The following CNTNAP5 variants were observed in gnomAD, a reference collection of about 807,000 sequenced individuals.
The protein encoded by CNTNAP5 is contactin associated protein family member 5, also known as contactin-associated protein-like 5.
CNTNAP5 carries 72 observed loss-of-function variants against 150.2 expected under a neutral mutation model. The ratio of observed to expected loss-of-function variants is 0.48; its 90% CI spans 0.40 to 0.58. CNTNAP5 has a LOEUF of 0.58. Among genes scored for constraint, CNTNAP5 ranks in the 20% least tolerant of loss-of-function variants. The pLI, the probability that CNTNAP5 is intolerant of heterozygous loss-of-function variation, is 0.00. For synonymous variants in CNTNAP5, 672 were observed against 619.8 expected (o/e 1.08, Z -1.25); for missense variants, 1,636 against 1,626.2 (o/e 1.01, Z -0.10).
intron 11 of CNTNAP5, among the ~76,000 whole-genome samples, chr2:124,589,055 T>C (rs1390402962): frequency 6.6e-6 from 1 of 152,112 alleles, no homozygotes; most frequent in Non-Finnish European, 1.5e-5. Context: ...AGACCATACA[T>C]TTCTCCTATT....
intron 11 of CNTNAP5, among the ~76,000 whole-genome samples, chr2:124,601,211 A>T (rs1362099845): frequency 6.6e-6 from 1 of 152,210 alleles, no homozygotes; most frequent in Middle Eastern, 3.2e-3. Flanking sequence ...TAAGGTATGA[A>T]AACATTTATA....
intron 1 of CNTNAP5, among the ~76,000 whole-genome samples, chr2:124,078,998 C>T (rs925788179): frequency 2.0e-5 from 3 of 152,142 alleles, no homozygotes; most frequent in African/African-American, 7.2e-5. Context: ...AATAATTCCT[C>T]AAAATGCATG....
At chr2:124,504,662 G>A (rs1694360095) in intron 8 of CNTNAP5, 106 bp downstream of exon 8, 12 of 1,064,494 alleles carry the variant, frequency 1.1e-5, no homozygotes, top group African/African-American at 1.6e-5. Context: ...ATATGGGTTA[G>A]CCCAGTATTC....
chr2:124,505,811 G>T (rs543049330), intron 8 of CNTNAP5, among the ~76,000 whole-genome samples: 2 of 152,134 alleles, frequency 1.3e-5, no homozygotes, highest in Non-Finnish European at 2.9e-5. Flanking sequence ...ATTGGGCAGG[G>T]ATTGGTCTGC....
At chr2:124,033,676 G>T (rs1329234914) in intron 1 of CNTNAP5, among the ~76,000 whole-genome samples, 3 of 64,322 alleles carry the variant, frequency 4.7e-5, no homozygotes, top group Non-Finnish European at 2.9e-5. Flanking sequence ...ATGCAGGCCA[G>T]ACATGGGCCT....
At chr2:124,550,112 G>T (rs1219018231) in intron 10 of CNTNAP5, among the ~76,000 whole-genome samples, 2 of 152,214 alleles carry the variant, frequency 1.3e-5, no homozygotes, top group African/African-American at 4.8e-5. Flanking sequence ...GACTAACATT[G>T]CTAGTGCAGT....
intron 13 of CNTNAP5, among the ~76,000 whole-genome samples, chr2:124,712,298 A>G (rs1167622836): frequency 6.6e-6 from 1 of 152,204 alleles, no homozygotes; most frequent in Non-Finnish European, 1.5e-5. Flanking sequence ...ATTTACTTGT[A>G]TTGCCTCATT....
chr2:124,250,208 G>T (rs562607153), intron 3 of CNTNAP5, among the ~76,000 whole-genome samples: 2 of 152,126 alleles, frequency 1.3e-5, no homozygotes, highest in Non-Finnish European at 2.9e-5. Context: ...GTCAAGGCAA[G>T]GCCTACTGGG....
rs138037502 is a variant in CNTNAP5, at chr2:124,271,565, G to C, written c.381+29172G>C. 1.0e-3 allele frequency among the ~76,000 whole-genome samples: 153 copies of C among 152,130 alleles called. 1 individual carries two copies. Among genetic ancestry groups the C allele is most frequent in the African/African-American group, 3.5e-3 (147 of 41,516 alleles). ...AATGGAGTCAACAAAATCTGATCAGGGTCTCTCTGAAGTTATACTTCTTAG... is the reference window on the plus strand; with the variant it reads ...AATGGAGTCAACAAAATCTGATCAGCGTCTCTCTGAAGTTATACTTCTTAG... On this transcript the variant is annotated intron_variant, in intron 3 of 23. Coordinates refer to ENST00000682447, the MANE Select transcript of CNTNAP5 (RefSeq NM_001367498.1).
intron 3 of CNTNAP5, among the ~76,000 whole-genome samples, chr2:124,362,301 G>T (rs977829594): frequency 6.6e-6 from 1 of 152,168 alleles, no homozygotes; most frequent in Non-Finnish European, 1.5e-5. Flanking sequence ...CTGTAGACCG[G>T]AGCTATTCCT....
intron 1 of CNTNAP5, among the ~76,000 whole-genome samples, chr2:124,146,476 A>G (rs1684257483): frequency 6.6e-6 from 1 of 151,692 alleles, no homozygotes; most frequent in East Asian, 1.9e-4. Context: ...AGAAATGTTC[A>G]CAGATTTTTT....
At chr2:124,628,381 A>G (rs1468554331) in intron 12 of CNTNAP5, among the ~76,000 whole-genome samples, 1 of 152,252 alleles carries the variant, frequency 6.6e-6, no homozygotes, top group Non-Finnish European at 1.5e-5. Flanking sequence ...TAGAAACTGT[A>G]CAAACCAGAA....
chr2:124,309,001 C>A (rs1009717843), intron 3 of CNTNAP5, among the ~76,000 whole-genome samples: 9 of 152,152 alleles, frequency 5.9e-5, no homozygotes, highest in Non-Finnish European at 2.9e-5. Flanking sequence ...GTGCCAAGAC[C>A]CCCATGGATG....
intron 1 of CNTNAP5, among the ~76,000 whole-genome samples, chr2:124,148,112 C>T (rs1313752767): frequency 6.6e-6 from 1 of 152,016 alleles, no homozygotes; most frequent in African/African-American, 2.4e-5. Flanking sequence ...GGCTTATAAG[C>T]TACTTTATTA....
intron 3 of CNTNAP5, among the ~76,000 whole-genome samples, chr2:124,299,870 G>C (rs770552854): frequency 3.3e-5 from 5 of 152,174 alleles, no homozygotes; most frequent in African/African-American, 4.8e-5. Context: ...AAAGACCATG[G>C]TGAAGGGAAG....
intron 20 of CNTNAP5, among the ~76,000 whole-genome samples, chr2:124,867,532 C>A (rs1677658062): frequency 6.6e-6 from 1 of 152,156 alleles, no homozygotes; most frequent in African/African-American, 2.4e-5. Context: ...CCTTCCTGTT[C>A]TTGCAACTTG....
At chr2:124,071,870 G>A (rs1383149709) in intron 1 of CNTNAP5, among the ~76,000 whole-genome samples, 1 of 151,670 alleles carries the variant, frequency 6.6e-6, no homozygotes, top group East Asian at 1.9e-4. Flanking sequence ...TTAATTCTAA[G>A]AGGCCAATTT....
intron 3 of CNTNAP5, among the ~76,000 whole-genome samples, chr2:124,263,649 T>A (rs963722827): frequency 2.8e-4 from 42 of 152,200 alleles, no homozygotes; most frequent in African/African-American, 9.9e-4. Context: ...GCTCTTTAGT[T>A]TAATTAGATC....
At chr2:124,287,704 G>A (rs1039084215) in intron 3 of CNTNAP5, among the ~76,000 whole-genome samples, 5 of 152,090 alleles carry the variant, frequency 3.3e-5, no homozygotes, top group African/African-American at 1.2e-4. Context: ...TCATCTAAGA[G>A]CCTAGAGATT....
Sources: gnomAD v4.1 joint callset for allele counts (sites outside exome capture counted in the v4.1 genomes callset) on GRCh38, gnomAD v4.1.1 for gene constraint, MANE v1.5 for transcripts, NCBI Gene and HGNC (gene_info 2026-07-23, HGNC 2026-07-21) for gene names.